Variants in GPR158 observed in about 807,000 individuals in gnomAD.
The protein encoded by GPR158 is metabotropic glycine receptor.
In GPR158, 30 loss-of-function variants were observed where a neutral mutation model predicts 78.2. That is an observed-to-expected ratio of 0.38 (90% CI 0.29 to 0.52). The LOEUF (loss-of-function observed/expected upper bound fraction) is 0.52. GPR158 is among the 20% of genes least tolerant of loss of function. GPR158 has a pLI of 0.83. For missense variants in GPR158, 1,463 were observed against 1,523.5 expected (o/e 0.96, Z 0.66); for synonymous variants, 581 against 591.1 (o/e 0.98, Z 0.25).
At chr10:25,514,204 T>C (rs1222158789) in intron 5 of GPR158, among the ~76,000 whole-genome samples, 3 of 152,166 alleles carry the variant, frequency 2.0e-5, no homozygotes, top group Non-Finnish European at 4.4e-5. Flanking sequence ...GGTGCATACA[T>C]ATTTAAGATT....
chr10:25,535,225 G>C (rs1463485232), intron 5 of GPR158, among the ~76,000 whole-genome samples: 1 of 152,182 alleles, frequency 6.6e-6, no homozygotes, highest in Non-Finnish European at 1.5e-5. Context: ...CATGGCCTAT[G>C]TAATTCTCAC....
intron 2 of GPR158, among the ~76,000 whole-genome samples, chr10:25,254,663 A>C (rs979597937): frequency 1.3e-5 from 2 of 152,224 alleles, no homozygotes; most frequent in Admixed American, 1.3e-4. Flanking sequence ...AAGTTCAGGA[A>C]GATAAATAGG....
intron 1 of GPR158, among the ~76,000 whole-genome samples, chr10:25,206,405 G>T (rs1032468875): frequency 2.0e-5 from 3 of 151,948 alleles, no homozygotes; most frequent in African/African-American, 7.2e-5. Flanking sequence ...TTACTCTAAA[G>T]GACTTTCAAG....
intron 5 of GPR158, among the ~76,000 whole-genome samples, chr10:25,489,166 TGGAACAA>T (rs1835771818): frequency 6.6e-6 from 1 of 152,050 alleles, no homozygotes; most frequent in South Asian, 2.1e-4. Flanking sequence ...TTTTCCAAAG[TGGAACAA>T]GATAAACACC....
chr10:25,461,187 T>C (rs1452729285), intron 4 of GPR158, among the ~76,000 whole-genome samples: 1 of 152,202 alleles, frequency 6.6e-6, no homozygotes, highest in African/African-American at 2.4e-5. Context: ...TCACTCACTT[T>C]AAATCAAAAG....
intron 2 of GPR158, among the ~76,000 whole-genome samples, chr10:25,260,163 G>T (rs1264337517): frequency 6.6e-6 from 1 of 152,114 alleles, no homozygotes; most frequent in Non-Finnish European, 1.5e-5. Context: ...ATTTGCGATA[G>T]ATTTTTTTGT....
chr10:25,249,795 C>T (rs929973283), intron 2 of GPR158, among the ~76,000 whole-genome samples: 43 of 151,718 alleles, frequency 2.8e-4, no homozygotes, highest in South Asian at 8.4e-4. Context: ...TGTCTCTGCC[C>T]GGCTTTGGTA....
intron 2 of GPR158, among the ~76,000 whole-genome samples, chr10:25,295,272 T>A (rs1854495619): frequency 6.6e-6 from 1 of 152,240 alleles, no homozygotes; most frequent in Non-Finnish European, 1.5e-5. Context: ...AACCATCATG[T>A]TGTCTTATGT....
At chr10:25,283,754 T>C (rs189386361) in intron 2 of GPR158, among the ~76,000 whole-genome samples, 1 of 152,118 alleles carries the variant, frequency 6.6e-6, no homozygotes, top group East Asian at 1.9e-4. Context: ...ACAATTAATT[T>C]TACTCATAAG....
At chr10:25,489,392 A>C (rs1276575709) in intron 5 of GPR158, among the ~76,000 whole-genome samples, 1 of 152,156 alleles carries the variant, frequency 6.6e-6, no homozygotes, top group Non-Finnish European at 1.5e-5. Flanking sequence ...CAATCCACGA[A>C]GCAGTGATGA....
intron 2 of GPR158, among the ~76,000 whole-genome samples, chr10:25,296,185 A>T (rs915697560): frequency 1.3e-5 from 2 of 152,052 alleles, no homozygotes; most frequent in African/African-American, 2.4e-5. Flanking sequence ...GAAACTGGCT[A>T]TTTGTACACT....
At chr10:25,380,179 A>C (rs989491773) in intron 2 of GPR158, among the ~76,000 whole-genome samples, 2 of 152,064 alleles carry the variant, frequency 1.3e-5, no homozygotes, top group Non-Finnish European at 2.9e-5. Context: ...ACAACCCACT[A>C]TCCAGCTTAA....
intron 2 of GPR158, among the ~76,000 whole-genome samples, chr10:25,295,719 C>G (rs1320151130): frequency 6.6e-6 from 1 of 152,112 alleles, no homozygotes; most frequent in African/African-American, 2.4e-5. Context: ...GGCCTGACTT[C>G]CCTTTCTTTT....
At chr10:25,386,844 A>G (rs143965131) in intron 2 of GPR158, among the ~76,000 whole-genome samples, 20 of 152,248 alleles carry the variant, frequency 1.3e-4, no homozygotes, top group Non-Finnish European at 2.4e-4. Flanking sequence ...TACATTTATT[A>G]GTTCTAGTAG....
chr10:25,282,738 C>G (rs1317586285), intron 2 of GPR158, among the ~76,000 whole-genome samples: 4 of 152,046 alleles, frequency 2.6e-5, no homozygotes, highest in Admixed American at 6.6e-5. Flanking sequence ...AGCATATTTT[C>G]TTGTGCTTCT....
At chr10:25,367,404 C>T (rs956393154) in intron 2 of GPR158, among the ~76,000 whole-genome samples, 10 of 151,544 alleles carry the variant, frequency 6.6e-5, no homozygotes, top group South Asian at 2.1e-4. Flanking sequence ...CAAAAAGTTT[C>T]GATAACTTAT....
rs1007849069 is a variant in GPR158, at chr10:25,176,690, C to A, written c.902+368C>A. Among the ~76,000 whole-genome samples the A allele has an allele frequency of 6.6e-6, 1 of 152,238 alleles. No homozygotes were observed. The highest frequency in any genetic ancestry group is 1.5e-5 in the Non-Finnish European group (1 of 68,038). ...ACCGGGGGGCGATGCGACAACTTGG[C>A]GAGCGCCGGGTGTGTCCGCGGAGTG... is the stretch of plus-strand genomic sequence containing the variant. On this transcript the variant is annotated intron_variant, in intron 1 of 10. Transcript: ENST00000376351. The surrounding 1 kb of genome is among the most constrained non-coding windows in gnomAD (Gnocchi z 6.3).
At chr10:25,215,695 C>T (rs992443989) in intron 1 of GPR158, among the ~76,000 whole-genome samples, 6 of 152,162 alleles carry the variant, frequency 3.9e-5, no homozygotes, top group East Asian at 1.9e-4. Flanking sequence ...ATTAGCAGGG[C>T]GTGGTGGTGC....
intron 2 of GPR158, among the ~76,000 whole-genome samples, chr10:25,387,968 T>C (rs1011728761): frequency 9.9e-6 from 1 of 100,872 alleles, no homozygotes; most frequent in Non-Finnish European, 2.4e-5. Context: ...TAGTTATATA[T>C]CTGTTCTTTT....
Sources: allele counts gnomAD v4.1 joint callset (sites outside exome capture counted in the v4.1 genomes callset), GRCh38; gene constraint gnomAD v4.1.1; non-coding constraint Gnocchi (gnomAD v3.1); transcripts MANE v1.5; gene names NCBI Gene and HGNC (gene_info 2026-07-23, HGNC 2026-07-21).